The following JAML variants were observed in gnomAD, a reference collection of about 807,000 sequenced individuals.
JAML encodes the protein junctional adhesion molecule-like.
A neutral mutation model predicts 39.3 loss-of-function variants in JAML; 25 were observed. The observed-to-expected ratio is 0.64, with a 90% CI of 0.46 to 0.89. The LOEUF (loss-of-function observed/expected upper bound fraction) is 0.89. JAML is among the 40% of genes least tolerant of loss of function. The pLI is 0.00. For missense variants in JAML, 440 were observed against 486.9 expected (o/e 0.90, Z 0.91); for synonymous variants, 162 against 179.2 (o/e 0.90, Z 0.77).
chr11:118,196,653 C>T, intron 9 of JAML, 82 bp downstream of exon 9: 1 of 1,265,564 alleles, frequency 7.9e-7, no homozygotes, highest in Non-Finnish European at 1.2e-6. Flanking sequence ...AGCAGCCTCC[C>T]TTGGGCAACC....
In JAML at chr11:118,200,508, T is replaced by A. The variant is rs1948763625; in HGVS notation, c.877A>T (p.Ile293Leu). Residue 293 changes from isoleucine to leucine, a missense_variant, in exon 7 of 10, where the codon ATA becomes TTA. Coordinates refer to ENST00000356289, the MANE Select transcript of JAML (RefSeq NM_001098526.2). ...CCACAGGTCTTCTTCACGATCAATATCAGAACAGGGAGCAGCAGGATTGTG... is the reference window on the plus strand; with the variant it reads ...CCACAGGTCTTCTTCACGATCAATAACAGAACAGGGAGCAGCAGGATTGTG... Reference protein sequence around the residue: ...CATILLLPVLILIVKKTCGNK... With the variant: ...CATILLLPVLLLIVKKTCGNK... 1 of 1,613,952 alleles carries A rather than the reference T, an allele frequency of 6.2e-7. No individual in the cohort carries two copies. Among genetic ancestry groups the A allele is most frequent in the Non-Finnish European group, 8.5e-7 (1 of 1,179,998 alleles).
At chr11:118,201,098 T>C (rs1948786491) in intron 6 of JAML, 1 of 155,868 alleles carries the variant, frequency 6.4e-6, no homozygotes, top group Admixed American at 6.2e-5. Flanking sequence ...AGCAAACACC[T>C]CCTCAGGGCC....
At chr11:118,196,398 G>A (rs1483842378) in intron 9 of JAML, among the ~76,000 whole-genome samples, 2 of 152,134 alleles carry the variant, frequency 1.3e-5, no homozygotes, top group Admixed American at 6.5e-5. Context: ...AAAGTGCTGG[G>A]ATTTCAGGCA....
chr11:118,194,725 A>C (rs188034962), intron 9 of JAML, among the ~76,000 whole-genome samples: 2 of 152,332 alleles, frequency 1.3e-5, no homozygotes, highest in African/African-American at 4.8e-5. Context: ...GTACAGCCTC[A>C]GAAAGGGAAA....
chr11:118,198,385 T>A (rs1391261208), intron 7 of JAML, among the ~76,000 whole-genome samples: 1 of 152,148 alleles, frequency 6.6e-6, no homozygotes, highest in Non-Finnish European at 1.5e-5. Flanking sequence ...TTTAAGTGAA[T>A]GAAGAGAGAG....
chr11:118,197,877 C>T (rs977141310), intron 8 of JAML, 121 bp downstream of exon 8: 5 of 897,836 alleles, frequency 5.6e-6, no homozygotes, highest in Non-Finnish European at 9.0e-6. Flanking sequence ...TGAGTCCCTG[C>T]TCTGTGCCAA....
At chr11:118,202,867 T>C (rs1948836989) in intron 6 of JAML, 1 of 439,184 alleles carries the variant, frequency 2.3e-6, no homozygotes, top group South Asian at 1.6e-5. Flanking sequence ...CTTATCAACC[T>C]CTCTCTGTCA....
chr11:118,199,384 A>G (rs1042429504), intron 7 of JAML, among the ~76,000 whole-genome samples: 1 of 152,154 alleles, frequency 6.6e-6, no homozygotes, highest in African/African-American at 2.4e-5. Context: ...CCAAATCAGG[A>G]AGCCCTAGGG....
chr11:118,206,638 A>G (rs1010187748), intron 4 of JAML, among the ~76,000 whole-genome samples: 2 of 152,268 alleles, frequency 1.3e-5, no homozygotes, highest in East Asian at 3.9e-4. Flanking sequence ...AAGACAAAAG[A>G]CAGCTTTCTC....
At chr11:118,207,375 A>G (rs908126364) in intron 4 of JAML, among the ~76,000 whole-genome samples, 1 of 152,220 alleles carries the variant, frequency 6.6e-6, no homozygotes, top group Non-Finnish European at 1.5e-5. Flanking sequence ...CCAATGCCAC[A>G]TGGCCAGGAA....
intron 9 of JAML, 45 bp from the exon 10 acceptor site, chr11:118,194,462 T>G: frequency 6.6e-7 from 1 of 1,509,808 alleles, no homozygotes; most frequent in Non-Finnish European, 9.2e-7. Context: ...TTGTAAGAAG[T>G]AGTTCCATAA....
chr11:118,212,329 GC>G, intron 3 of JAML, 77 bp downstream of exon 3: 1 of 1,522,378 alleles, frequency 6.6e-7, no homozygotes, highest in Non-Finnish European at 8.9e-7. Context: ...GGCACCTGAT[GC>G]CTGACTCTTA....
chr11:118,196,647 G>C (rs967518194), intron 9 of JAML, 88 bp downstream of exon 9: 1 of 1,097,498 alleles, frequency 9.1e-7, no homozygotes, highest in Admixed American at 1.7e-5. Flanking sequence ...GCCCTCAGCA[G>C]CCTCCCTTGG....
Position 118,203,434 on chromosome 11 carries a change from G to T in JAML, c.766C>A (p.Pro256Thr), listed in dbSNP as rs762639276. 1 of 1,613,762 alleles carries T rather than the reference G, an allele frequency of 6.2e-7. No homozygotes were observed. The highest frequency in any genetic ancestry group is 1.3e-5 in the African/African-American group (1 of 74,906). Residue 256 changes from proline (P) to threonine (T), a missense_variant, in exon 6 of 10, where the codon CCT becomes ACT. Transcript: ENST00000356289. Reference protein sequence around the residue: ...TIVLHVSPEEPRTLVTPAALR... With the variant: ...TIVLHVSPEETRTLVTPAALR... ...CCAGCCAAATGTTAGATACTTCGAG[G>T]CTCTTCCGGGCTGACATGCAGCACA...
At chr11:118,207,478 A>G (rs1366605978) in intron 4 of JAML, among the ~76,000 whole-genome samples, 1 of 152,246 alleles carries the variant, frequency 6.6e-6, no homozygotes, top group African/African-American at 2.4e-5. Context: ...AAGTAGAAGG[A>G]TGGCTGATTC....
intron 9 of JAML, among the ~76,000 whole-genome samples, chr11:118,196,030 A>G (rs1234468928): frequency 1.1e-4 from 16 of 150,586 alleles, no homozygotes; most frequent in Admixed American, 1.1e-3. Flanking sequence ...ACAGTGTTTC[A>G]CCATGTTGGC....
intron 7 of JAML, among the ~76,000 whole-genome samples, chr11:118,198,294 T>C (rs926338236): frequency 1.3e-5 from 2 of 152,226 alleles, no homozygotes; most frequent in Non-Finnish European, 2.9e-5. Context: ...GAAGCCGTTC[T>C]GGAGATAATT....
chr11:118,216,478 C>T (rs1294405700), intron 1 of JAML, among the ~76,000 whole-genome samples: 1 of 152,190 alleles, frequency 6.6e-6, no homozygotes, highest in Non-Finnish European at 1.5e-5. Flanking sequence ...GAGGTTCCTA[C>T]CTCAGGTCCC....
At position 118,222,342 on chromosome 11, in the gene JAML, C is replaced by T. The variant is rs1013618516; in HGVS notation, c.-21+2599G>A. On this transcript the variant is annotated intron_variant, in intron 1 of 9. Transcript: ENST00000356289. This position sits in a 1 kb window ranked among gnomAD's most constrained non-coding sequence, Gnocchi z 4.2. ...GGCTGAAGTGGGAGGATCACTTGAG[C>T]CCAGGAGGCTGAGGCTGCAGCGAGT... Among the ~76,000 whole-genome samples, 7 of 152,056 alleles carry T rather than the reference C, an allele frequency of 4.6e-5. No individual in the cohort carries two copies. Among genetic ancestry groups the T allele is most frequent in the Non-Finnish European group, 8.8e-5 (6 of 68,002 alleles).
Sources: allele counts gnomAD v4.1 joint callset (sites outside exome capture counted in the v4.1 genomes callset), GRCh38; gene constraint gnomAD v4.1.1; non-coding constraint Gnocchi (gnomAD v3.1); transcripts MANE v1.5; gene names NCBI Gene and HGNC (gene_info 2026-07-23, HGNC 2026-07-21).